MCF2L2: variants seen among roughly 807,000 people sequenced by gnomAD.
MCF2L2 encodes MCF.2 cell line derived transforming sequence-like 2, also known as probable guanine nucleotide exchange factor MCF2L2.
In MCF2L2, 102 loss-of-function variants were observed where a neutral mutation model predicts 150.2. The observed-to-expected ratio is 0.68, with a 90% CI of 0.58 to 0.80. The LOEUF is 0.80. Among genes scored for constraint, MCF2L2 ranks in the 30% least tolerant of loss-of-function variants. The probability of loss-of-function intolerance (pLI) is 0.00; values close to 1 mark genes in which losing one functional copy is unlikely to be tolerated. For missense variants in MCF2L2, 1,256 were observed against 1,372.8 expected (o/e 0.91, Z 1.34); for synonymous variants, 465 against 491.3 (o/e 0.95, Z 0.71).
intron 1 of MCF2L2, among the ~76,000 whole-genome samples, chr3:183,402,797 C>T (rs1420734919): frequency 6.6e-6 from 1 of 151,516 alleles, no homozygotes; most frequent in African/African-American, 2.4e-5. Flanking sequence ...TGAGGCATTG[C>T]CAATCAATGA....
chr3:183,304,553 C>T (rs1729008304), intron 10 of MCF2L2, among the ~76,000 whole-genome samples: 1 of 147,798 alleles, frequency 6.8e-6, no homozygotes, highest in Non-Finnish European at 1.5e-5. Context: ...GAAAATTCTG[C>T]CTCCGGGGTT....
At chr3:183,367,985 C>G (rs1712640460) in intron 3 of MCF2L2, among the ~76,000 whole-genome samples, 1 of 152,226 alleles carries the variant, frequency 6.6e-6, no homozygotes, top group East Asian at 1.9e-4. Flanking sequence ...TGGAACAGCA[C>G]TGAGCCAGGG....
chr3:183,251,775 C>T (rs1724549643), intron 15 of MCF2L2, among the ~76,000 whole-genome samples: 1 of 151,968 alleles, frequency 6.6e-6, no homozygotes, highest in African/African-American at 2.4e-5. Flanking sequence ...GGAAGCCAGG[C>T]TGCTCTAGGA....
chr3:183,216,580 ATTTTTTTTTTTTTTTTTTTTTTTTTT>A (rs1160267005), intron 21 of MCF2L2, among the ~76,000 whole-genome samples: 5 of 3,864 alleles, frequency 1.3e-3, no homozygotes, highest in South Asian at 0.031. Context: ...ATATATATAT[ATTTTTTTTTTTTTTTTTTTTTTTTTT>A]TTTTTTTTTT....
intron 11 of MCF2L2, chr3:183,299,716 C>A: frequency 2.9e-6 from 1 of 347,672 alleles, no homozygotes; most frequent in Non-Finnish European, 5.2e-6. Flanking sequence ...GAAGTGTTCC[C>A]ACAGGGCCAA....
chr3:183,325,065 A>T (rs930818668), intron 5 of MCF2L2, among the ~76,000 whole-genome samples: 2 of 139,622 alleles, frequency 1.4e-5, no homozygotes, highest in African/African-American at 2.7e-5. Context: ...GGAATTGAAC[A>T]ATGAGAACAC....
At chr3:183,216,419 GTA>G (rs1194960077) in intron 21 of MCF2L2, among the ~76,000 whole-genome samples, 1 of 138,434 alleles carries the variant, frequency 7.2e-6, no homozygotes, top group Non-Finnish European at 1.5e-5. Context: ...TTTCTTATGT[GTA>G]TATATATTAT....
intron 25 of MCF2L2, among the ~76,000 whole-genome samples, chr3:183,198,429 T>C (rs1722146442): frequency 6.6e-6 from 1 of 150,880 alleles, no homozygotes; most frequent in Non-Finnish European, 1.5e-5. Flanking sequence ...CTGGGGTGGG[T>C]GAGGGAGGGG....
At position 183,346,329 on chromosome 3, in the gene MCF2L2, T is replaced by C. The variant is rs1315377675; in HGVS notation, c.276-4699A>G. On this transcript the variant is annotated intron_variant, in intron 3 of 29. Transcript: ENST00000328913. ...GACAAAAACCACATGATTATCTCAA[T>C]AGATGCAGAAAAGCCCTTCGATAAA... 2.0e-5 allele frequency among the ~76,000 whole-genome samples: 3 copies of C among 152,272 alleles called. No individual in the cohort carries two copies. The East Asian group carries it at 5.8e-4, about 29-fold the overall frequency.
At chr3:183,297,875 T>C (rs1728616990) in intron 11 of MCF2L2, 1 of 152,312 alleles carries the variant, frequency 6.6e-6, no homozygotes. Context: ...TAGAGAAATG[T>C]AATCAATGGC....
intron 13 of MCF2L2, among the ~76,000 whole-genome samples, chr3:183,294,327 T>C (rs987381423): frequency 6.8e-6 from 1 of 146,130 alleles, no homozygotes. Flanking sequence ...GTTATTATTA[T>C]GTTATTATTA....
Position 183,227,436 on chromosome 3 carries a change from G to C in MCF2L2, c.2115+861C>G, listed in dbSNP as rs1723384004. On this transcript the variant is annotated intron_variant, in intron 18 of 29. Coordinates refer to ENST00000328913, the MANE Select transcript of MCF2L2 (RefSeq NM_015078.4). The surrounding 1 kb of genome is among the most constrained non-coding windows in gnomAD (Gnocchi z 4.0). ...AAATTGAGTACTAAGCCTAAAGGAG[G>C]CTGTAGATTTAGAATTTTCGAATCA... is the stretch of plus-strand genomic sequence containing the variant. 1 of 152,172 alleles carries C rather than the reference G, an allele frequency of 6.6e-6. No individual in the cohort carries two copies. The highest frequency in any genetic ancestry group is 1.5e-5 in the Non-Finnish European group (1 of 68,026). 9.4% of individuals were successfully genotyped at this position (152,172 alleles called of 1,614,324 possible).
At chr3:183,205,520 C>A (rs896910372) in intron 25 of MCF2L2, among the ~76,000 whole-genome samples, 3 of 152,150 alleles carry the variant, frequency 2.0e-5, no homozygotes, top group Admixed American at 6.5e-5. Flanking sequence ...TTAATTATAT[C>A]TTGATGTTTT....
At chr3:183,376,210 G>T (rs1234124996) in intron 3 of MCF2L2, 3 of 152,236 alleles carry the variant, frequency 2.0e-5, no homozygotes. Context: ...GTGAGATAGG[G>T]GTGATAACCC....
intron 6 of MCF2L2, among the ~76,000 whole-genome samples, chr3:183,322,675 G>T (rs1408909174): frequency 6.6e-6 from 1 of 152,166 alleles, no homozygotes; most frequent in Non-Finnish European, 1.5e-5. Context: ...ACATGTGCAG[G>T]TTTGTTACAT....
At position 183,423,632 on chromosome 3, in the gene MCF2L2, G is replaced by GTTTTTT. The variant is rs34400256; in HGVS notation, c.76+4264_76+4269dup. ...GTGGACCATTTTTTAAATTTTATTT[G>GTTTTTT]TTTTTTTTTTTTTTTTTTTTTTTTG... On this transcript the variant is annotated intron_variant, in intron 1 of 29. Transcript: ENST00000328913. Among the ~76,000 whole-genome samples the GTTTTTT allele has an allele frequency of 1.8e-4, 17 of 92,056 alleles. 1 individual carries two copies. Among genetic ancestry groups the GTTTTTT allele is most frequent in the East Asian group, 3.3e-4 (1 of 2,998 alleles). The allele number at this position is 92,056 out of a possible 152,430, so 60.4% of individuals were successfully genotyped here.
chr3:183,184,880 T>C (rs1721641492), intron 27 of MCF2L2, among the ~76,000 whole-genome samples: 1 of 152,158 alleles, frequency 6.6e-6, no homozygotes, highest in Non-Finnish European at 1.5e-5. Flanking sequence ...TTATTGTCTT[T>C]CAAACTAGAT....
At chr3:183,291,576 C>T (rs1728147665) in intron 13 of MCF2L2, among the ~76,000 whole-genome samples, 2 of 152,224 alleles carry the variant, frequency 1.3e-5, no homozygotes, top group Non-Finnish European at 2.9e-5. Flanking sequence ...GAAATTCCAG[C>T]TCTTAAGCCC....
intron 3 of MCF2L2, among the ~76,000 whole-genome samples, chr3:183,368,843 T>C (rs1712692407): frequency 6.6e-6 from 1 of 152,224 alleles, no homozygotes; most frequent in Admixed American, 6.5e-5. Context: ...ACTACTCTGA[T>C]TGATAATACT....
Sources: allele counts gnomAD v4.1 joint callset (sites outside exome capture counted in the v4.1 genomes callset), GRCh38; gene constraint gnomAD v4.1.1; non-coding constraint Gnocchi (gnomAD v3.1); transcripts MANE v1.5; gene names NCBI Gene and HGNC (gene_info 2026-07-23, HGNC 2026-07-21).